The following B3GALT1 variants were observed in gnomAD, a reference collection of about 807,000 sequenced individuals.
The protein encoded by B3GALT1 is beta-1,3-galactosyltransferase 1, also known as UDP-Gal:betaGlcNAc beta 1,3-galactosyltransferase, polypeptide 1.
In B3GALT1, 10 loss-of-function variants were observed where a neutral mutation model predicts 23.2. That is an observed-to-expected ratio of 0.43 (90% CI 0.27 to 0.73). The LOEUF (loss-of-function observed/expected upper bound fraction) is 0.73, where lower values mean the gene tolerates loss of function less well. B3GALT1 is among the 30% of genes least tolerant of loss of function. The pLI is 0.21. For synonymous variants in B3GALT1, 156 were observed against 141.5 expected (o/e 1.10, Z -0.73); for missense variants, 299 against 405.4 (o/e 0.74, Z 2.25).
chr2:167,522,208 G>T (rs1205347125), intron 2 of B3GALT1, among the ~76,000 whole-genome samples: 1 of 151,788 alleles, frequency 6.6e-6, no homozygotes, highest in African/African-American at 2.4e-5. Context: ...CGTTAATAAA[G>T]TGTCGAGTCA....
chr2:167,348,437 C>T (rs984958559), intron 1 of B3GALT1, among the ~76,000 whole-genome samples: 7 of 151,974 alleles, frequency 4.6e-5, no homozygotes, highest in African/African-American at 1.2e-4. Context: ...GATAAAACTT[C>T]GTAATATAAA....
chr2:167,512,622 G>GTATATATATACGTATATATATATA (rs1491336747), intron 2 of B3GALT1, among the ~76,000 whole-genome samples: 2 of 42,376 alleles, frequency 4.7e-5, no homozygotes, highest in Non-Finnish European at 7.3e-5. Flanking sequence ...ATATATATAC[G>GTATATATATACGTATATATATATA]TGTATATATA....
At chr2:167,414,066 C>T (rs1316918989) in intron 1 of B3GALT1, among the ~76,000 whole-genome samples, 1 of 152,002 alleles carries the variant, frequency 6.6e-6, no homozygotes, top group African/African-American at 2.4e-5. Context: ...ATTAAAAAGA[C>T]AAAAGTATAC....
chr2:167,825,496 A>G (rs1689202325), intron 4 of B3GALT1, among the ~76,000 whole-genome samples: 1 of 147,906 alleles, frequency 6.8e-6, no homozygotes, highest in African/African-American at 2.5e-5. Context: ...AATTATATAT[A>G]TATATAAATT....
intron 2 of B3GALT1, among the ~76,000 whole-genome samples, chr2:167,523,476 A>G: frequency 6.7e-6 from 1 of 148,920 alleles, no homozygotes; most frequent in East Asian, 2.0e-4. Context: ...CCCAGGCTGG[A>G]GTGCAGTGGC....
At chr2:167,370,090 TA>T (rs1269272588) in intron 1 of B3GALT1, among the ~76,000 whole-genome samples, 1 of 152,220 alleles carries the variant, frequency 6.6e-6, no homozygotes, top group Non-Finnish European at 1.5e-5. Flanking sequence ...AAGTTACTCT[TA>T]TTTTTTTTAA....
At chr2:167,806,295 C>G (rs1208428806) in intron 3 of B3GALT1, among the ~76,000 whole-genome samples, 1 of 152,176 alleles carries the variant, frequency 6.6e-6, no homozygotes, top group Non-Finnish European at 1.5e-5. Flanking sequence ...TTGACTTCCT[C>G]TTTTCCTAAT....
chr2:167,310,100 T>A (rs1034710094), intron 1 of B3GALT1, among the ~76,000 whole-genome samples: 6 of 152,110 alleles, frequency 3.9e-5, no homozygotes, highest in African/African-American at 1.4e-4. Flanking sequence ...TAACTTATAT[T>A]TGTATTGGTG....
intron 2 of B3GALT1, among the ~76,000 whole-genome samples, chr2:167,567,868 T>C (rs1574143964): frequency 6.6e-6 from 1 of 152,234 alleles, no homozygotes. Context: ...CTGCCCTAAA[T>C]ATCCTTTGTG....
At chr2:167,305,672 C>T (rs1489471955) in intron 1 of B3GALT1, among the ~76,000 whole-genome samples, 1 of 152,070 alleles carries the variant, frequency 6.6e-6, no homozygotes, top group Non-Finnish European at 1.5e-5. Flanking sequence ...GAGGCCCCTA[C>T]CCAGGTTTGC....
chr2:167,592,710 A>C (rs928263125), intron 2 of B3GALT1, among the ~76,000 whole-genome samples: 1 of 152,142 alleles, frequency 6.6e-6, no homozygotes. Context: ...AATGGTTTCT[A>C]TCTTGGCCAT....
chr2:167,660,286 T>A (rs577692101), intron 3 of B3GALT1, among the ~76,000 whole-genome samples: 1 of 152,214 alleles, frequency 6.6e-6, no homozygotes, highest in East Asian at 1.9e-4. Context: ...TTCTTGCTTG[T>A]GTGGCTCTCC....
chr2:167,805,632 G>A (rs1226228852), intron 3 of B3GALT1, among the ~76,000 whole-genome samples: 1 of 152,254 alleles, frequency 6.6e-6, no homozygotes, highest in East Asian at 1.9e-4. Context: ...AAGATCAGAT[G>A]GTTGTAGATA....
chr2:167,548,676 G>A lies in B3GALT1; in HGVS notation c.-410+58399G>A, dbSNP rs146119873. On this transcript the variant is annotated intron_variant, in intron 2 of 4. Coordinates refer to ENST00000392690, the MANE Select transcript of B3GALT1 (RefSeq NM_020981.4). ...CCAGCCCTGGATTGCCTGTCCAGAC[G>A]TGTGTGTGAGTGTGTGTGTGTGTGT... Among the ~76,000 whole-genome samples, 156 of 119,910 alleles carry A rather than the reference G, an allele frequency of 1.3e-3. 1 individual carries two copies. The highest frequency in any genetic ancestry group is 6.1e-3 in the African/African-American group (149 of 24,236). 78.7% of individuals were successfully genotyped at this position (119,910 alleles called of 152,430 possible). A position where few individuals can be genotyped will look rare whatever the true frequency, so the allele number is the denominator to read the frequency against.
chr2:167,527,783 T>C (rs1358596537), intron 2 of B3GALT1, among the ~76,000 whole-genome samples: 3 of 152,202 alleles, frequency 2.0e-5, no homozygotes, highest in Admixed American at 6.6e-5. Context: ...AGAGGTATTA[T>C]ATGGTCAAGT....
rs535630700 is a variant in B3GALT1 at position 167,647,897 on chromosome 2, C to G, written c.-352+931C>G. Among the ~76,000 whole-genome samples the G allele has an allele frequency of 5.3e-5, 8 of 152,208 alleles. No homozygotes were observed. The South Asian group carries it at 1.7e-3, about 32-fold the overall frequency. ...ACATCATGAAGAATGGGGTTTCCAT[C>G]TCCTCAAGCATTTATCCTTTGAGCT... On this transcript the variant is annotated intron_variant, in intron 3 of 4. Transcript: ENST00000392690.
intron 4 of B3GALT1, among the ~76,000 whole-genome samples, chr2:167,832,349 T>G (rs1440352413): frequency 6.6e-6 from 1 of 152,226 alleles, no homozygotes; most frequent in Non-Finnish European, 1.5e-5. Context: ...AAAAGTAGTA[T>G]TGTTATCACA....
chr2:167,372,490 ACT>A (rs911067579), intron 1 of B3GALT1, among the ~76,000 whole-genome samples: 3 of 151,970 alleles, frequency 2.0e-5, no homozygotes, highest in Non-Finnish European at 4.4e-5. Context: ...TTTGTTGGAG[ACT>A]CTAGCCAGTA....
At chr2:167,621,486 T>TAAGACTTTTTTTC (rs1364009535) in intron 2 of B3GALT1, among the ~76,000 whole-genome samples, 5 of 152,104 alleles carry the variant, frequency 3.3e-5, no homozygotes, top group Non-Finnish European at 7.4e-5. Flanking sequence ...CCACTAATCA[T>TAAGACTTTTTTTC]AAGACTTTTT....
Sources: gnomAD v4.1 joint callset for allele counts (sites outside exome capture counted in the v4.1 genomes callset) on GRCh38, gnomAD v4.1.1 for gene constraint, MANE v1.5 for transcripts, NCBI Gene and HGNC (gene_info 2026-07-23, HGNC 2026-07-21) for gene names.